The following PARP6 variants were observed in gnomAD, a reference collection of about 807,000 sequenced individuals.
PARP6 encodes poly(ADP-ribose) polymerase family member 6, also known as protein mono-ADP-ribosyltransferase PARP6.
In PARP6, 27 loss-of-function variants were observed where a neutral mutation model predicts 92.0. The observed-to-expected ratio is 0.29, with a 90% CI of 0.22 to 0.40. The LOEUF is 0.40. Among genes scored for constraint, PARP6 ranks in the 10% least tolerant of loss-of-function variants. The probability of loss-of-function intolerance (pLI) is 1.00; values close to 1 mark genes in which losing one functional copy is unlikely to be tolerated. For missense variants in PARP6, 501 were observed against 784.5 expected, an observed-to-expected ratio of 0.64 and a Z score of 4.32; for synonymous variants, 272 against 281.2, an observed-to-expected ratio of 0.97 and a Z score of 0.33.
chr15:72,261,100 CAAT>C (rs1468185140), intron 9 of PARP6, among the ~76,000 whole-genome samples: 1 of 152,132 alleles, frequency 6.6e-6, no homozygotes, highest in Admixed American at 6.5e-5. Flanking sequence ...TGACTGTCAA[CAAT>C]GATTCCTGGG....
At chr15:72,257,461 G>A (rs1450421484) in intron 12 of PARP6, 21 bp from the exon 13 acceptor site, 1 of 1,591,118 alleles carries the variant, frequency 6.3e-7, no homozygotes. Flanking sequence ...ATATTAAACA[G>A]ATGGTGGTGG....
At chr15:72,258,170 T>C (rs1567207403) in intron 11 of PARP6, 38 bp from the exon 12 acceptor site, 1 of 1,413,224 alleles carries the variant, frequency 7.1e-7, no homozygotes, top group Non-Finnish European at 1.0e-6. Context: ...TTGGAAGTAC[T>C]GGCACACACA....
In PARP6 at chr15:72,256,255, C is replaced by T. The variant is rs149587745; in HGVS notation, c.1125+210G>A. 2.8e-3 allele frequency among the ~76,000 whole-genome samples: 429 copies of T among 152,240 alleles called. 20 individuals are homozygous for T. The highest frequency in any genetic ancestry group is 0.021 in the Admixed American group (327 of 15,292). On this transcript the variant is annotated intron_variant, in intron 14 of 23. Coordinates refer to ENST00000569795, the MANE Select transcript of PARP6 (RefSeq NM_001323532.2). ...TCCAGGTCTGTCTGGCTCCAAAAGC[C>T]CTTTTTCCCTATCATAATGTAACTA... is the stretch of plus-strand genomic sequence containing the variant.
At position 72,241,848 on chromosome 15, in the gene PARP6, C is replaced by G; in HGVS notation, c.1790+53G>C. 1 of 1,316,088 alleles carries G rather than the reference C, an allele frequency of 7.6e-7. No individual in the cohort carries two copies. The highest frequency in any genetic ancestry group is 1.2e-5 in the South Asian group (1 of 85,056). The allele number at this position is 1,316,088 out of a possible 1,614,324, so 81.5% of individuals were successfully genotyped here. A position where few individuals can be genotyped will look rare whatever the true frequency, so the allele number is the denominator to read the frequency against. On this transcript the variant is annotated intron_variant, in intron 23 of 23. Transcript: ENST00000569795. This position sits in a 1 kb window ranked among gnomAD's most constrained non-coding sequence, Gnocchi z 4.1. The stretch of plus-strand genomic sequence containing the variant: ...ACTTTTCCCAGTAGCCACACACCAT[C>G]ACACCCCCAACCTCACTCCTCGAGT...
At position 72,242,987 on chromosome 15, in the gene PARP6, G is replaced by A. The variant is rs2083227489; in HGVS notation, c.1562-288C>T. 2.6e-6 allele frequency: 1 copy of A among 381,740 alleles called. No homozygotes were observed. Among genetic ancestry groups the A allele is most frequent in the Non-Finnish European group, 4.7e-6 (1 of 213,424 alleles). The allele number at this position is 381,740 out of a possible 1,614,324, so 23.6% of individuals were successfully genotyped here. ...AGTCATGTGGTGACAGCTAGACTGA[G>A]AACTGCAGGATTAGGAAGAGTTAAT... On this transcript the variant is annotated intron_variant, in intron 20 of 23. Transcript: ENST00000569795. The surrounding 1 kb of genome is among the most constrained non-coding windows in gnomAD (Gnocchi z 4.3).
intron 2 of PARP6, among the ~76,000 whole-genome samples, chr15:72,267,898 C>T (rs747151169): frequency 3.3e-5 from 5 of 152,046 alleles, no homozygotes; most frequent in Non-Finnish European, 7.4e-5. Flanking sequence ...ATTACAGGTG[C>T]CTGCTGCCAC....
At position 72,250,105 on chromosome 15, in the gene PARP6, G is replaced by A. The variant is rs1377841797; in HGVS notation, c.1419-13C>T. 2 of 1,574,068 alleles carry A rather than the reference G, an allele frequency of 1.3e-6. No individual in the cohort carries two copies. Among genetic ancestry groups the A allele is most frequent in the Non-Finnish European group, 1.7e-6 (2 of 1,143,572 alleles). ...AATGTGGGACCCACTGTAAGGCAGG[G>A]TAGAATACATGTCTCCTTATGATAT... is the stretch of plus-strand genomic sequence containing the variant. On this transcript the variant is annotated splice_polypyrimidine_tract_variant and intron_variant, in intron 18 of 23. Transcript: ENST00000569795.
intron 5 of PARP6, 56 bp downstream of exon 5, chr15:72,265,841 T>C (rs2086512781): frequency 2.5e-6 from 3 of 1,181,458 alleles, no homozygotes; most frequent in Admixed American, 3.4e-5. Flanking sequence ...TCTAGCCTTT[T>C]AACAACTCAG....
chr15:72,266,934 A>G (rs1471764499), intron 3 of PARP6, 112 bp from the exon 4 acceptor site: 1 of 821,798 alleles, frequency 1.2e-6, no homozygotes, highest in African/African-American at 1.7e-5. Flanking sequence ...GAAATATAGA[A>G]TAACTGAAGC....
Position 72,241,299 on chromosome 15 carries a change from G to A in PARP6, c.*156C>T. 1.4e-6 allele frequency: 1 copy of A among 703,730 alleles called. No individual in the cohort carries two copies. The highest frequency in any genetic ancestry group is 2.7e-5 in the East Asian group (1 of 37,034). 43.6% of individuals were successfully genotyped at this position (703,730 alleles called of 1,614,324 possible). On this transcript the variant is annotated 3_prime_UTR_variant, in exon 24 of 24. Transcript: ENST00000569795. The surrounding 1 kb of genome is among the most constrained non-coding windows in gnomAD (Gnocchi z 4.1). ...GAATGTGGAGTAGTTCTTGGGTCAA[G>A]CTCTACCATGAAGGCCACCTCTTAC...
chr15:72,257,534 CAG>C, intron 12 of PARP6, 94 bp from the exon 13 acceptor site: 1 of 973,720 alleles, frequency 1.0e-6, no homozygotes, highest in Non-Finnish European at 1.6e-6. Context: ...AACTCTAAAA[CAG>C]GGTAGGAATT....
Position 72,254,536 on chromosome 15 carries a change from G to T in PARP6, c.1126-16C>A. ...AATTCTTCTTCTGTGGAGAATCAAT[G>T]GGAAGAGAAGAACCAAATAAAGAAA... On this transcript the variant is annotated splice_polypyrimidine_tract_variant and intron_variant, in intron 14 of 23. Coordinates refer to ENST00000569795, the MANE Select transcript of PARP6 (RefSeq NM_001323532.2). The T allele has an allele frequency of 6.3e-7, 1 of 1,596,992 alleles. No individual in the cohort carries two copies. The highest frequency in any genetic ancestry group is 8.6e-7 in the Non-Finnish European group (1 of 1,164,708).
chr15:72,262,196 C>G (rs2085982980), intron 8 of PARP6, among the ~76,000 whole-genome samples: 1 of 152,146 alleles, frequency 6.6e-6, no homozygotes, highest in Non-Finnish European at 1.5e-5. Flanking sequence ...TTTGTCAATC[C>G]TTTCACTTGT....
At chr15:72,255,891 A>G (rs1402790000) in intron 14 of PARP6, among the ~76,000 whole-genome samples, 2 of 133,474 alleles carry the variant, frequency 1.5e-5, no homozygotes, top group Admixed American at 9.2e-5. Flanking sequence ...CTGCCTCCCA[A>G]GTTCATGCCA....
At chr15:72,250,253 ATG>A (rs199782606) in intron 18 of PARP6, 161 bp from the exon 19 acceptor site, 681 of 620,764 alleles carry the variant, frequency 1.1e-3, no homozygotes, top group Non-Finnish European at 1.5e-3. Context: ...GGCATGCAAG[ATG>A]TGTGTGTGTG....
chr15:72,247,072 T>G (rs1301791187), intron 20 of PARP6, among the ~76,000 whole-genome samples: 1 of 152,188 alleles, frequency 6.6e-6, no homozygotes, highest in Non-Finnish European at 1.5e-5. Context: ...AGTACACTTT[T>G]ATTACTAATC....
Position 72,265,932 on chromosome 15 carries a change from C to T in PARP6, c.141G>A (p.Val47=). The T allele has an allele frequency of 6.2e-7, 1 of 1,613,866 alleles. No homozygotes were observed. Among genetic ancestry groups the T allele is most frequent in the Non-Finnish European group, 8.5e-7 (1 of 1,179,894 alleles). The change falls in exon 5 of 24, where the codon GTG becomes GTA. Residue 47 remains valine, a synonymous_variant. Transcript: ENST00000569795. ...CAGAGTTCTCACTGTAGATCTCCTTCACGGCTTCAATGTCTGCATCAAGCT... is the reference window on the plus strand; with the variant it reads ...CAGAGTTCTCACTGTAGATCTCCTTTACGGCTTCAATGTCTGCATCAAGCT... ...HPQLDADIEA[V]KEIYSENSVS... is the part of the protein sequence containing the mutation.
At chr15:72,263,419 A>G (rs2086156031) in intron 8 of PARP6, among the ~76,000 whole-genome samples, 1 of 152,078 alleles carries the variant, frequency 6.6e-6, no homozygotes, top group East Asian at 1.9e-4. Context: ...CTCTTGTCTC[A>G]TCCCCTCCTA....
chr15:72,249,087 A>C (rs2083991950), intron 20 of PARP6, 158 bp downstream of exon 20: 1 of 425,576 alleles, frequency 2.3e-6, no homozygotes. Context: ...ATTTCTAATA[A>C]GAAAATGTAG....
Sources: allele counts gnomAD v4.1 joint callset (sites outside exome capture counted in the v4.1 genomes callset), GRCh38; gene constraint gnomAD v4.1.1; non-coding constraint Gnocchi (gnomAD v3.1); transcripts MANE v1.5; gene names NCBI Gene and HGNC (gene_info 2026-07-23, HGNC 2026-07-21).